The following GALNT18 variants were observed in gnomAD, a reference collection of about 807,000 sequenced individuals.
The protein encoded by GALNT18 is polypeptide N-acetylgalactosaminyltransferase 18.
In GALNT18, 44 loss-of-function variants were observed where a neutral mutation model predicts 69.5. The observed-to-expected ratio is 0.63, with a 90% CI of 0.50 to 0.81. The LOEUF (loss-of-function observed/expected upper bound fraction) is 0.81. Ranked by LOEUF, GALNT18 falls within the 40% of genes least tolerant of loss-of-function variation. The probability of loss-of-function intolerance (pLI) is 0.00; values close to 1 mark genes in which losing one functional copy is unlikely to be tolerated. For missense variants in GALNT18, 715 were observed against 810.0 expected, an observed-to-expected ratio of 0.88 and a Z score of 1.42; for synonymous variants, 364 against 318.2, an observed-to-expected ratio of 1.14 and a Z score of -1.53.
intron 1 of GALNT18, among the ~76,000 whole-genome samples, chr11:11,464,984 A>G (rs1856125331): frequency 6.6e-6 from 1 of 152,094 alleles, no homozygotes; most frequent in Non-Finnish European, 1.5e-5. Flanking sequence ...GGAGCTGGGG[A>G]TGGAATTACG....
At chr11:11,498,824 G>A (rs1423306528) in intron 1 of GALNT18, among the ~76,000 whole-genome samples, 2 of 152,110 alleles carry the variant, frequency 1.3e-5, no homozygotes, top group African/African-American at 2.4e-5. Flanking sequence ...TAAAAGAAGG[G>A]AAGTGGGTTA....
chr11:11,366,392 T>A (rs1416049082), intron 6 of GALNT18, among the ~76,000 whole-genome samples: 1 of 152,194 alleles, frequency 6.6e-6, no homozygotes, highest in African/African-American at 2.4e-5. Flanking sequence ...TACATATGCA[T>A]CTACATGTAT....
intron 1 of GALNT18, among the ~76,000 whole-genome samples, chr11:11,575,886 C>T (rs748839418): frequency 7.2e-5 from 11 of 152,172 alleles, no homozygotes; most frequent in Non-Finnish European, 1.0e-4. Context: ...GGACGAAATG[C>T]GACATCTGCT....
intron 9 of GALNT18, among the ~76,000 whole-genome samples, chr11:11,307,965 G>T (rs974825540): frequency 1.3e-5 from 2 of 152,242 alleles, no homozygotes; most frequent in African/African-American, 4.8e-5. Flanking sequence ...AAAGCTGGGG[G>T]CCAGGGGTGA....
At chr11:11,525,922 C>T (rs1484361618) in intron 1 of GALNT18, among the ~76,000 whole-genome samples, 1 of 152,140 alleles carries the variant, frequency 6.6e-6, no homozygotes, top group African/African-American at 2.4e-5. Context: ...TCATGAGCCA[C>T]CGTGCCCGGC....
chr11:11,473,458 T>G (rs576536331), intron 1 of GALNT18, among the ~76,000 whole-genome samples: 1 of 152,210 alleles, frequency 6.6e-6, no homozygotes, highest in African/African-American at 2.4e-5. Flanking sequence ...TCAATAGAGA[T>G]GCAAGATCCG....
In GALNT18 at chr11:11,619,686, C is replaced by T. The variant is rs1270259200; in HGVS notation, c.235+1673G>A. Reference sequence around the variant, plus strand: ...CAAAGTAAGGCATGGCTTTGTGTCTCCTGGGGAACATTCTGAATCACCCTG... The same window carrying T: ...CAAAGTAAGGCATGGCTTTGTGTCTTCTGGGGAACATTCTGAATCACCCTG... On this transcript the variant is annotated intron_variant, in intron 1 of 10. Transcript: ENST00000227756. This position sits in a 1 kb window ranked among gnomAD's most constrained non-coding sequence, Gnocchi z 4.9. 6.6e-6 allele frequency among the ~76,000 whole-genome samples: 1 copy of T among 152,182 alleles called. No individual in the cohort carries two copies. The highest frequency in any genetic ancestry group is 1.5e-5 in the Non-Finnish European group (1 of 68,036).
intron 1 of GALNT18, among the ~76,000 whole-genome samples, chr11:11,597,986 TGTCAGTCTATCTAAA>T (rs1338459188): frequency 6.6e-6 from 1 of 151,916 alleles, no homozygotes; most frequent in African/African-American, 2.4e-5. Flanking sequence ...TTTTTGCCTT[TGTCAGTCTATCTAAA>T]GTTCTGTCCA....
chr11:11,464,757 C>T (rs540491529), intron 1 of GALNT18, among the ~76,000 whole-genome samples: 2 of 152,366 alleles, frequency 1.3e-5, no homozygotes, highest in African/African-American at 4.8e-5. Flanking sequence ...TGGAGCTTGG[C>T]TTCACTACTC....
At position 11,469,649 on chromosome 11, in the gene GALNT18, G is replaced by C. The variant is rs1222802422; in HGVS notation, c.236-20713C>G. 6.6e-6 allele frequency among the ~76,000 whole-genome samples: 1 copy of C among 152,198 alleles called. No homozygotes were observed. Among genetic ancestry groups the C allele is most frequent in the South Asian group, 2.1e-4 (1 of 4,832 alleles). ...GAAAGCAAGGATCATCCATGCCCTT[G>C]TCAGCTGAGGGTCTCAGGGCTGGCT... On this transcript the variant is annotated intron_variant, in intron 1 of 10. Transcript: ENST00000227756. This position sits in a 1 kb window ranked among gnomAD's most constrained non-coding sequence, Gnocchi z 4.2.
intron 3 of GALNT18, among the ~76,000 whole-genome samples, chr11:11,391,968 A>T (rs557042147): frequency 6.6e-6 from 1 of 152,296 alleles, no homozygotes; most frequent in East Asian, 1.9e-4. Flanking sequence ...CGTTTTCATA[A>T]ATATGCATTG....
intron 6 of GALNT18, among the ~76,000 whole-genome samples, chr11:11,344,580 C>T (rs1394303401): frequency 2.6e-5 from 4 of 152,112 alleles, no homozygotes; most frequent in East Asian, 1.9e-4. Flanking sequence ...AGTAGCATGT[C>T]GCACTTGAAA....
chr11:11,275,324 T>TTCATGTGTTTTCA (rs1848920207), intron 10 of GALNT18, among the ~76,000 whole-genome samples: 1 of 140,332 alleles, frequency 7.1e-6, no homozygotes, highest in East Asian at 2.0e-4. Context: ...CATGTGTCTG[T>TTCATGTGTTTTCA]TGGCTGCATA....
rs1853805703 is a variant in GALNT18 at position 11,377,796 on chromosome 11, G to C, written c.780-417C>G. On this transcript the variant is annotated intron_variant, in intron 4 of 10. Transcript: ENST00000227756. This position sits in a 1 kb window ranked among gnomAD's most constrained non-coding sequence, Gnocchi z 4.6. ...TTCTATGTGTCAACCTGGAGGAAAA[G>C]ACAGATGAGGATGGCAGAGACTAGG... Among the ~76,000 whole-genome samples the C allele has an allele frequency of 6.6e-6, 1 of 152,182 alleles. No individual in the cohort carries two copies. Among genetic ancestry groups the C allele is most frequent in the Non-Finnish European group, 1.5e-5 (1 of 68,032 alleles).
intron 1 of GALNT18, among the ~76,000 whole-genome samples, chr11:11,594,844 C>T (rs28852130): frequency 0.47 from 55,613 of 118,356 alleles, 12,718 homozygotes; most frequent in East Asian, 0.72. Context: ...TATATATACA[C>T]ATATACATAC....
At chr11:11,544,604 G>C (rs1006969049) in intron 1 of GALNT18, among the ~76,000 whole-genome samples, 6 of 152,174 alleles carry the variant, frequency 3.9e-5, no homozygotes, top group Non-Finnish European at 8.8e-5. Context: ...GTGCAGGTTT[G>C]TTACATAGGT....
intron 9 of GALNT18, among the ~76,000 whole-genome samples, chr11:11,299,038 G>C (rs569892109): frequency 6.6e-6 from 1 of 152,292 alleles, no homozygotes; most frequent in South Asian, 2.1e-4. Context: ...TATGTCAATA[G>C]TTTTTGGGGA....
At chr11:11,348,727 C>T (rs1850347492) in intron 6 of GALNT18, among the ~76,000 whole-genome samples, 2 of 152,182 alleles carry the variant, frequency 1.3e-5, no homozygotes, top group South Asian at 2.1e-4. Flanking sequence ...CTGCCACTCT[C>T]TTTACTGGAA....
Position 11,432,871 on chromosome 11 carries a change from C to T in GALNT18, c.429-84G>A. 2 of 1,441,634 alleles carry T rather than the reference C, an allele frequency of 1.4e-6. No individual in the cohort carries two copies. The highest frequency in any genetic ancestry group is 1.9e-6 in the Non-Finnish European group (2 of 1,055,468). The allele number at this position is 1,441,634 out of a possible 1,614,324, so 89.3% of individuals were successfully genotyped here. On this transcript the variant is annotated intron_variant, in intron 2 of 10. Transcript: ENST00000227756. This position sits in a 1 kb window ranked among gnomAD's most constrained non-coding sequence, Gnocchi z 5.8. The stretch of plus-strand genomic sequence containing the variant: ...GACCCAGCCCATGTCCTGGCTCCAG[C>T]TTTGCTGGAGGGCTCGGGAGTCCAG...
Sources: gnomAD v4.1 joint callset for allele counts (sites outside exome capture counted in the v4.1 genomes callset) on GRCh38, gnomAD v4.1.1 for gene constraint, Gnocchi (gnomAD v3.1) non-coding constraint, MANE v1.5 for transcripts, NCBI Gene and HGNC (gene_info 2026-07-23, HGNC 2026-07-21) for gene names.